RPS6KC1: variants seen among roughly 807,000 people sequenced by gnomAD.
RPS6KC1 encodes the protein inactive ribosomal protein S6 kinase delta-1.
In RPS6KC1, 54 loss-of-function variants were observed where a neutral mutation model predicts 103.8. That is an observed-to-expected ratio of 0.52 (90% confidence interval 0.42 to 0.65). The LOEUF is 0.65. Among genes scored for constraint, RPS6KC1 ranks in the 30% least tolerant of loss-of-function variants. RPS6KC1 has a pLI of 0.00. For missense variants in RPS6KC1, 1,151 were observed against 1,253.8 expected, an observed-to-expected ratio of 0.92 and a Z score of 1.24; for synonymous variants, 439 against 438.7, an observed-to-expected ratio of 1.00 and a Z score of -0.01.
the RPS6KC1 span, among the ~76,000 whole-genome samples, chr1:213,798,340 C>T: frequency 6.6e-6 from 1 of 152,188 alleles, no homozygotes; most frequent in Non-Finnish European, 1.5e-5. Flanking sequence ...GAGCTTATTC[C>T]ACAAAAATCT....
chr1:213,678,634 T>A, the RPS6KC1 span, among the ~76,000 whole-genome samples: 1 of 152,172 alleles, frequency 6.6e-6, no homozygotes, highest in Non-Finnish European at 1.5e-5. Context: ...GACCCAGACA[T>A]ACTGAGTCAG....
chr1:213,137,215 C>G (rs1367689315), intron 6 of RPS6KC1, among the ~76,000 whole-genome samples: 1 of 151,984 alleles, frequency 6.6e-6, no homozygotes, highest in Non-Finnish European at 1.5e-5. Context: ...AGGGGTATCA[C>G]TCATTTTCTA....
the RPS6KC1 span, among the ~76,000 whole-genome samples, chr1:213,591,193 C>T: frequency 0.041 from 6,311 of 152,258 alleles, 314 homozygotes; most frequent in East Asian, 0.27. Flanking sequence ...GATGCCCAAG[C>T]ACATCACCTG....
At chr1:213,374,254 G>A in the RPS6KC1 span, among the ~76,000 whole-genome samples, 1 of 152,176 alleles carries the variant, frequency 6.6e-6, no homozygotes, top group African/African-American at 2.4e-5. Flanking sequence ...AAATAAATCT[G>A]GATCAGTGAG....
At chr1:213,596,312 C>T in the RPS6KC1 span, among the ~76,000 whole-genome samples, 3 of 152,158 alleles carry the variant, frequency 2.0e-5, no homozygotes, top group Non-Finnish European at 1.5e-5. Flanking sequence ...GGCTTTGCTG[C>T]CTCCTGGTTC....
intron 6 of RPS6KC1, among the ~76,000 whole-genome samples, chr1:213,155,850 G>A (rs554179980): frequency 1.1e-4 from 16 of 152,092 alleles, no homozygotes; most frequent in Admixed American, 2.0e-4. Flanking sequence ...TTGTTCCACC[G>A]TCCCCACTCT....
chr1:213,758,808 TAAG>T, the RPS6KC1 span, among the ~76,000 whole-genome samples: 1 of 152,176 alleles, frequency 6.6e-6, no homozygotes, highest in Non-Finnish European at 1.5e-5. Context: ...CTTGAATGAA[TAAG>T]GAGTTGCTTT....
the RPS6KC1 span, among the ~76,000 whole-genome samples, chr1:213,725,854 C>T: frequency 6.6e-6 from 1 of 152,150 alleles, no homozygotes; most frequent in South Asian, 2.1e-4. Context: ...TTTACATATT[C>T]TGAACACTAA....
the RPS6KC1 span, among the ~76,000 whole-genome samples, chr1:213,512,138 A>C: frequency 0.096 from 14,630 of 152,224 alleles, 1,413 homozygotes; most frequent in African/African-American, 0.24. Context: ...CACAATTGTA[A>C]TGAGGCTCTA....
chr1:213,200,917 G>T (rs1022961000), intron 8 of RPS6KC1, among the ~76,000 whole-genome samples: 1 of 152,166 alleles, frequency 6.6e-6, no homozygotes, highest in African/African-American at 2.4e-5. Context: ...GGAGCTAAAT[G>T]ATGAGAACAC....
chr1:213,705,071 A>G, the RPS6KC1 span, among the ~76,000 whole-genome samples: 1 of 152,226 alleles, frequency 6.6e-6, no homozygotes. Flanking sequence ...TCAGACCTGA[A>G]GCCAGCATAG....
chr1:213,310,047 A>C, the RPS6KC1 span, among the ~76,000 whole-genome samples: 18 of 151,970 alleles, frequency 1.2e-4, 1 homozygote, highest in Admixed American at 6.6e-4. Context: ...CCCTCTTTCA[A>C]TGTATACCTG....
the RPS6KC1 span, among the ~76,000 whole-genome samples, chr1:213,603,584 G>T: frequency 1.3e-5 from 2 of 151,858 alleles, no homozygotes; most frequent in African/African-American, 4.8e-5. Context: ...TTCTGGCCAG[G>T]TGTAGTAGCT....
chr1:213,388,417 T>C, the RPS6KC1 span, among the ~76,000 whole-genome samples: 4 of 152,210 alleles, frequency 2.6e-5, no homozygotes, highest in African/African-American at 9.6e-5. Context: ...CCCTGGACGC[T>C]GCCCCAGCCA....
chr1:213,114,114 G>A (rs1239099408), intron 4 of RPS6KC1, among the ~76,000 whole-genome samples: 1 of 151,984 alleles, frequency 6.6e-6, no homozygotes, highest in Non-Finnish European at 1.5e-5. Context: ...TTGGTAGCTT[G>A]GTGGGGATGG....
At chr1:213,683,205 T>A in the RPS6KC1 span, among the ~76,000 whole-genome samples, 1 of 152,198 alleles carries the variant, frequency 6.6e-6, no homozygotes, top group Non-Finnish European at 1.5e-5. Flanking sequence ...CATCTGAGTC[T>A]GCCTGGGGAC....
the RPS6KC1 span, among the ~76,000 whole-genome samples, chr1:213,567,212 C>T: frequency 7.9e-5 from 12 of 152,286 alleles, no homozygotes; most frequent in South Asian, 2.5e-3. Context: ...TTCCCCTCAT[C>T]CAGAGCCTAG....
chr1:213,220,635 A>G (rs2093808180), intron 8 of RPS6KC1, among the ~76,000 whole-genome samples: 1 of 152,232 alleles, frequency 6.6e-6, no homozygotes, highest in Non-Finnish European at 1.5e-5. Context: ...TTCTGTTGCC[A>G]TTTTAAAACT....
the RPS6KC1 span, among the ~76,000 whole-genome samples, chr1:213,759,461 A>G: frequency 1.9e-3 from 285 of 152,158 alleles, 1 homozygote; most frequent in Middle Eastern, 0.01. Context: ...TTTCTGTTTC[A>G]TTTACTCATT....
Sources: allele counts gnomAD v4.1 joint callset (sites outside exome capture counted in the v4.1 genomes callset), GRCh38; gene constraint gnomAD v4.1.1; transcripts MANE v1.5; gene names NCBI Gene and HGNC (gene_info 2026-07-23, HGNC 2026-07-21).